Variants in HSPG2 observed in about 807,000 individuals in gnomAD.
HSPG2 encodes the protein basement membrane-specific heparan sulfate proteoglycan core protein.
A neutral mutation model predicts 526.6 loss-of-function variants in HSPG2; 278 were observed. The observed-to-expected ratio is 0.53, with a 90% CI of 0.48 to 0.58. The LOEUF is 0.58. Ranked by LOEUF, HSPG2 falls within the 20% of genes least tolerant of loss-of-function variation. The pLI is 0.00. For synonymous variants in HSPG2, 2,465 were observed against 2,555.4 expected (o/e 0.96, Z 1.07); for missense variants, 5,354 against 6,099.5 (o/e 0.88, Z 4.07).
rs986587410 is a variant in HSPG2 at position 21,854,255 on chromosome 1, T to C, written c.6377A>G (p.Lys2126Arg). Residue 2126 changes from lysine (K) to arginine (R), a missense_variant, in exon 50 of 97, where the codon AAG becomes AGG. Physicochemically the swap from Lys to Arg is conservative, Grantham distance 26. Coordinates refer to ENST00000374695, the MANE Select transcript of HSPG2 (RefSeq NM_005529.7). ...CACAGACACAGTAATGGAGGCCTCC[T>C]TGGGGCCCGATCCATTCTCCACACG... ...VCRVENGSGP[K>R]EASITVSVLH... 6.3e-6 allele frequency: 10 copies of C among 1,590,368 alleles called. No individual in the cohort carries two copies. The highest frequency in any genetic ancestry group is 1.3e-5 in the African/African-American group (1 of 74,524).
In HSPG2 at chr1:21,890,803, C is replaced by A; in HGVS notation, c.245-109G>T. 1.3e-6 allele frequency: 1 copy of A among 795,214 alleles called. No individual in the cohort carries two copies. Among genetic ancestry groups the A allele is most frequent in the Non-Finnish European group, 2.1e-6 (1 of 465,596 alleles). 49.3% of individuals were successfully genotyped at this position (795,214 alleles called of 1,614,324 possible). ...GGGGGGATGGCCCCCAGAGGCCTCC[C>A]TCGAGGCTGACACCTGTGTGCCCAC... On this transcript the variant is annotated intron_variant, in intron 3 of 96. Coordinates refer to ENST00000374695, the MANE Select transcript of HSPG2 (RefSeq NM_005529.7). The surrounding 1 kb of genome is among the most constrained non-coding windows in gnomAD (Gnocchi z 4.1).
Position 21,878,973 on chromosome 1 carries a change from T to C in HSPG2, c.2471+21A>G, listed in dbSNP as rs2454293. The stretch of plus-strand genomic sequence containing the variant: ...GCACTGTCCCCAGCCAAACCCCCCC[T>C]GACCCGGAGCTGGGGCTGACCTGCG... On this transcript the variant is annotated intron_variant, in intron 18 of 96. Coordinates refer to ENST00000374695, the MANE Select transcript of HSPG2 (RefSeq NM_005529.7). 0.99 allele frequency: 1,592,549 copies of C among 1,604,930 alleles called. 790,627 individuals carry two copies. Among genetic ancestry groups the C allele is most frequent in the South Asian group, 1 (90,393 of 90,510 alleles).
In HSPG2 at chr1:21,896,322, C is replaced by G; in HGVS notation, c.64-12G>C. On this transcript the variant is annotated splice_polypyrimidine_tract_variant and intron_variant, in intron 1 of 96. Transcript: ENST00000374695. ...AGCCCATGGGTCACCTGTAAGCAAACGAGAGCTGATTGAGTCACTCTCTCC... is the reference window on the plus strand; with the variant it reads ...AGCCCATGGGTCACCTGTAAGCAAAGGAGAGCTGATTGAGTCACTCTCTCC... The G allele has an allele frequency of 6.2e-7, 1 of 1,611,998 alleles. No homozygotes were observed. The highest frequency in any genetic ancestry group is 8.5e-7 in the Non-Finnish European group (1 of 1,180,008).
chr1:21,887,235 C>T lies in HSPG2; in HGVS notation c.1058G>A (p.Arg353Gln), dbSNP rs758149916. The T allele has an allele frequency of 8.7e-6, 14 of 1,613,572 alleles. No individual in the cohort carries two copies. In the Admixed American group the frequency reaches 1.2e-4, roughly 13 times the overall value. Residue 353 changes from arginine to glutamine, a missense_variant, in exon 9 of 97, where the codon CGA (arginine) becomes CAA (glutamine). By Grantham distance (43) the Arg-to-Gln change is conservative. Coordinates refer to ENST00000374695, the MANE Select transcript of HSPG2 (RefSeq NM_005529.7). This position sits in a 1 kb window ranked among gnomAD's most constrained non-coding sequence, Gnocchi z 5.0. Reference sequence around the variant, plus strand: ...CTCACGGCAGTTGGCTTCATCAGTTCGGTCCTCACAGTCAAAGTCACCATC... The same window carrying T: ...CTCACGGCAGTTGGCTTCATCAGTTTGGTCCTCACAGTCAAAGTCACCATC... ...RCDGDFDCED[R>Q]TDEANCPTKR... is the part of the protein sequence containing the mutation.
chr1:21,882,400 T>TACAC (rs56357321), intron 13 of HSPG2, among the ~76,000 whole-genome samples: 2,857 of 142,716 alleles, frequency 0.02, 47 homozygotes, highest in East Asian at 0.062. Context: ...CTCTTCTATG[T>TACAC]ACACACACAC....
chr1:21,907,805 T>C (rs1643456977), intron 1 of HSPG2, among the ~76,000 whole-genome samples: 1 of 152,198 alleles, frequency 6.6e-6, no homozygotes, highest in Non-Finnish European at 1.5e-5. Context: ...TGAGCCACTG[T>C]GCCCGGCTAC....
intron 13 of HSPG2, among the ~76,000 whole-genome samples, chr1:21,881,961 A>G (rs866491782): frequency 1.7e-3 from 209 of 119,758 alleles, no homozygotes; most frequent in Non-Finnish European, 2.8e-3. Context: ...AAAAAAAAAA[A>G]AAAGAAAGAA....
At chr1:21,852,608 C>T in intron 52 of HSPG2, 92 bp downstream of exon 52, 1 of 1,567,508 alleles carries the variant, frequency 6.4e-7, no homozygotes, top group Non-Finnish European at 8.8e-7. Context: ...TGTGGGCCTT[C>T]TGCCCTGTCA....
rs757153482 is a variant in HSPG2 at position 21,839,853 on chromosome 1, T to C, written c.9678A>G (p.Gly3226=). The C allele has an allele frequency of 8.1e-6, 13 of 1,613,854 alleles. No homozygotes were observed. In the African/African-American group the frequency reaches 1.7e-4, roughly 22 times the overall value. ...CTGAGCAGCGCAAGGTGGCCGTGTG[T>C]CCAGCCTCCACAGTCAGCTCAGCTT... ...AEEAELTVEA[G]HTATLRCSAT... Residue 3226 remains glycine (G), a synonymous_variant, in exon 72 of 97, where the codon GGA becomes GGG. Coordinates refer to ENST00000374695, the MANE Select transcript of HSPG2 (RefSeq NM_005529.7). This position sits in a 1 kb window ranked among gnomAD's most constrained non-coding sequence, Gnocchi z 4.5.
In HSPG2 at chr1:21,873,912, C is replaced by A. The variant is rs1013200750; in HGVS notation, c.3743+13G>T. ...TGTGCGCATCCCCCCACCCTCTCCA[C>A]CCCCTGCCTCACCTCTCACAGTGAC... On this transcript the variant is annotated intron_variant, in intron 29 of 96. Transcript: ENST00000374695. The A allele has an allele frequency of 3.4e-5, 53 of 1,567,732 alleles. No individual in the cohort carries two copies. Among genetic ancestry groups the A allele is most frequent in the Non-Finnish European group, 4.3e-5 (50 of 1,155,282 alleles).
At position 21,854,541 on chromosome 1, in the gene HSPG2, C is replaced by T. The variant is rs191822516; in HGVS notation, c.6288+70G>A. ...GCAGTGTGCCGCCTCCCCCGCCCAGCGTACAGGCCCCGCCTCCGCCACAGC... is the reference window on the plus strand; with the variant it reads ...GCAGTGTGCCGCCTCCCCCGCCCAGTGTACAGGCCCCGCCTCCGCCACAGC... On this transcript the variant is annotated intron_variant, in intron 49 of 96. Coordinates refer to ENST00000374695, the MANE Select transcript of HSPG2 (RefSeq NM_005529.7). 3,043 of 1,496,258 alleles carry T rather than the reference C, an allele frequency of 2.0e-3. 83 individuals carry two copies. The Admixed American group carries it at 0.054, about 26-fold the overall frequency. 92.7% of individuals were successfully genotyped at this position (1,496,258 alleles called of 1,614,324 possible). A position where few individuals can be genotyped will look rare whatever the true frequency, so the allele number is the denominator to read the frequency against.
Position 21,854,636 on chromosome 1 carries a change from C to A in HSPG2, c.6263G>T (p.Gly2088Val), listed in dbSNP as rs753916827. ...CTGGGTGTGGGGAGGCAGGCTACCCCCTCGCCTGTACCAGGTGACCTGGGC... is the reference window on the plus strand; with the variant it reads ...CTGGGTGTGGGGAGGCAGGCTACCCACTCGCCTGTACCAGGTGACCTGGGC... ...AHAQVTWYRR[G>V]GSLPPHTQVH... The change falls in exon 49 of 97, where the codon GGG becomes GTG. Residue 2088 changes from glycine to valine, a missense_variant. Transcript: ENST00000374695. 1 of 1,580,412 alleles carries A rather than the reference C, an allele frequency of 6.3e-7. No individual in the cohort carries two copies. Among genetic ancestry groups the A allele is most frequent in the East Asian group, 2.3e-5 (1 of 43,268 alleles).
In HSPG2 at chr1:21,822,889, C is replaced by T. The variant is rs2097955609; in HGVS notation, c.*427G>A. On this transcript the variant is annotated 3_prime_UTR_variant, in exon 97 of 97. Coordinates refer to ENST00000374695, the MANE Select transcript of HSPG2 (RefSeq NM_005529.7). ...AATCCTGAGTGGGTGGCAGAGACTC[C>T]TGCGATGCCCGTCTCAGGTAGCTGT... 6.0e-6 allele frequency: 1 copy of T among 167,982 alleles called. No individual in the cohort carries two copies. Among genetic ancestry groups the T allele is most frequent in the Non-Finnish European group, 1.3e-5 (1 of 77,924 alleles). The allele number at this position is 167,982 out of a possible 1,614,324, so 10.4% of individuals were successfully genotyped here. A position where few individuals can be genotyped will look rare whatever the true frequency, so the allele number is the denominator to read the frequency against.
intron 42 of HSPG2, among the ~76,000 whole-genome samples, 172 bp from the exon 43 acceptor site, chr1:21,857,557 A>C (rs1639438862): frequency 6.7e-6 from 1 of 149,098 alleles, no homozygotes; most frequent in East Asian, 2.0e-4. Context: ...CACCATCCCC[A>C]CCCTCCTTGC....
At chr1:21,880,985 G>A in intron 14 of HSPG2, 150 bp from the exon 15 acceptor site, 3 of 858,356 alleles carry the variant, frequency 3.5e-6, no homozygotes, top group Admixed American at 2.0e-5. Flanking sequence ...CAGGGAAACC[G>A]AGATGGGCGA....
chr1:21,854,055 T>C lies in HSPG2; in HGVS notation c.6439+138A>G, dbSNP rs12117402. On this transcript the variant is annotated intron_variant, in intron 50 of 96. Transcript: ENST00000374695. Reference sequence around the variant, plus strand: ...CTCCCTCCCGTCCACTCAACCTCCTTCTCTCTCTGAGCAGGCGCTGAAGGG... The same window carrying C: ...CTCCCTCCCGTCCACTCAACCTCCTCCTCTCTCTGAGCAGGCGCTGAAGGG... 0.77 allele frequency: 732,779 copies of C among 947,224 alleles called. 285,480 individuals carry two copies. Among genetic ancestry groups the C allele is most frequent in the Middle Eastern group, 0.82 (3,720 of 4,556 alleles). The allele number at this position is 947,224 out of a possible 1,614,324, so 58.7% of individuals were successfully genotyped here.
At chr1:21,831,836 G>C (rs1182061616) in intron 81 of HSPG2, 40 bp from the exon 82 acceptor site, 3 of 1,559,282 alleles carry the variant, frequency 1.9e-6, no homozygotes, top group South Asian at 2.4e-5. Context: ...AGAGTGGATA[G>C]GGGGTTTGTA....
chr1:21,910,998 C>T (rs1643628240), intron 1 of HSPG2, among the ~76,000 whole-genome samples: 1 of 152,180 alleles, frequency 6.6e-6, no homozygotes, highest in African/African-American at 2.4e-5. Flanking sequence ...CCCTGGCATC[C>T]TGCGCCAAAT....
In HSPG2 at chr1:21,828,594, C is replaced by T. The variant is rs999768801; in HGVS notation, c.12238-168G>A. On this transcript the variant is annotated intron_variant, in intron 88 of 96. Transcript: ENST00000374695. This position sits in a 1 kb window ranked among gnomAD's most constrained non-coding sequence, Gnocchi z 6.0. ...GGGAGGCGCAGGAGTTGAGTGCCTA[C>T]TGTGTGCTAGAAACATTCATCCGTC... Among the ~76,000 whole-genome samples, 17 of 152,116 alleles carry T rather than the reference C, an allele frequency of 1.1e-4. No homozygotes were observed. The highest frequency in any genetic ancestry group is 2.2e-4 in the Non-Finnish European group (15 of 68,010).
Sources: allele counts gnomAD v4.1 joint callset (sites outside exome capture counted in the v4.1 genomes callset), GRCh38; gene constraint gnomAD v4.1.1; non-coding constraint Gnocchi (gnomAD v3.1); transcripts MANE v1.5; gene names NCBI Gene and HGNC (gene_info 2026-07-23, HGNC 2026-07-21).